The following DIP2B variants were observed in gnomAD, a reference collection of about 807,000 sequenced individuals.
DIP2B encodes the protein disco-interacting protein 2 homolog B.
DIP2B carries 76 observed loss-of-function variants against 198.0 expected under a neutral mutation model. That is an observed-to-expected ratio of 0.38 (90% CI 0.32 to 0.46). DIP2B has a LOEUF of 0.46. Among genes scored for constraint, DIP2B ranks in the 20% least tolerant of loss-of-function variants. The pLI is 0.99. For missense variants in DIP2B, 1,559 were observed against 1,978.4 expected (o/e 0.79, Z 4.02); for synonymous variants, 701 against 739.1 (o/e 0.95, Z 0.84).
intron 1 of DIP2B, among the ~76,000 whole-genome samples, chr12:50,536,783 G>T (rs183289620): frequency 6.6e-6 from 1 of 151,790 alleles, no homozygotes; most frequent in Admixed American, 6.6e-5. Flanking sequence ...TGACCAGGCT[G>T]GTCTCGAACT....
chr12:50,590,416 C>G (rs1958809160), intron 1 of DIP2B, among the ~76,000 whole-genome samples: 1 of 152,002 alleles, frequency 6.6e-6, no homozygotes, highest in Non-Finnish European at 1.5e-5. Context: ...GTTGCCCAGG[C>G]TGGAGTGCAG....
At chr12:50,626,691 G>A (rs974897867) in intron 2 of DIP2B, among the ~76,000 whole-genome samples, 5 of 151,790 alleles carry the variant, frequency 3.3e-5, no homozygotes, top group African/African-American at 1.2e-4. Flanking sequence ...TTTTACTATA[G>A]GGTGTTTTGT....
intron 1 of DIP2B, among the ~76,000 whole-genome samples, chr12:50,598,431 C>T: frequency 6.6e-6 from 1 of 151,988 alleles, no homozygotes. Flanking sequence ...TCCCTCAACC[C>T]CCTGATTCCA....
At chr12:50,559,215 A>G (rs547787116) in intron 1 of DIP2B, among the ~76,000 whole-genome samples, 10 of 152,012 alleles carry the variant, frequency 6.6e-5, no homozygotes, top group African/African-American at 2.2e-4. Context: ...GTACATCACT[A>G]AGGCCTTTGG....
At chr12:50,612,778 C>T (rs1666503626) in intron 1 of DIP2B, among the ~76,000 whole-genome samples, 1 of 152,128 alleles carries the variant, frequency 6.6e-6, no homozygotes, top group South Asian at 2.1e-4. Context: ...GATAATACTG[C>T]ACAATTATTT....
intron 1 of DIP2B, among the ~76,000 whole-genome samples, chr12:50,529,143 T>C (rs890634633): frequency 3.9e-5 from 6 of 152,128 alleles, no homozygotes; most frequent in Non-Finnish European, 8.8e-5. Context: ...TAGTCAGGTG[T>C]GGTGGCATGC....
rs1940350831 is a variant in DIP2B, at chr12:50,747,104, TTAA to T, written c.*2267_*2269del. On this transcript the variant is annotated 3_prime_UTR_variant, in exon 38 of 38. Transcript: ENST00000301180. ...CAACATAGGATCAATATAAAAATTATTAATGAGTTATTTTACTTTTTTTCATAT... is the reference window on the plus strand; with the variant it reads ...CAACATAGGATCAATATAAAAATTATTGAGTTATTTTACTTTTTTTCATAT... 1 of 152,234 alleles carries T rather than the reference TTAA, an allele frequency of 6.6e-6. No homozygotes were observed. Among genetic ancestry groups the T allele is most frequent in the African/African-American group, 2.4e-5 (1 of 41,468 alleles). 9.4% of individuals were successfully genotyped at this position (152,234 alleles called of 1,614,324 possible). A position where few individuals can be genotyped will look rare whatever the true frequency, so the allele number is the denominator to read the frequency against.
chr12:50,551,168 A>G (rs906837814), intron 1 of DIP2B, among the ~76,000 whole-genome samples: 1 of 152,114 alleles, frequency 6.6e-6, no homozygotes, highest in Non-Finnish European at 1.5e-5. Context: ...TCATGTCTGT[A>G]GTCCCAGCAC....
intron 7 of DIP2B, among the ~76,000 whole-genome samples, chr12:50,677,064 T>G (rs1938958746): frequency 6.6e-6 from 1 of 152,188 alleles, no homozygotes; most frequent in Non-Finnish European, 1.5e-5. Context: ...TCATATTTCA[T>G]TTGCCCATCT....
intron 36 of DIP2B, among the ~76,000 whole-genome samples, chr12:50,740,893 A>C (rs1940229643): frequency 6.6e-6 from 1 of 152,002 alleles, no homozygotes; most frequent in Non-Finnish European, 1.5e-5. Context: ...GTTTGTCCTT[A>C]AAAGCTCAGC....
intron 19 of DIP2B, among the ~76,000 whole-genome samples, chr12:50,699,765 A>G (rs1051952137): frequency 6.6e-6 from 1 of 152,000 alleles, no homozygotes; most frequent in Admixed American, 6.6e-5. Context: ...CGAAAGGCTG[A>G]GGCAGGAGGA....
intron 1 of DIP2B, among the ~76,000 whole-genome samples, chr12:50,551,860 T>A (rs959721955): frequency 6.6e-6 from 1 of 152,256 alleles, no homozygotes; most frequent in African/African-American, 2.4e-5. Context: ...ATTGGAATAG[T>A]ACTACTATAA....
At chr12:50,521,261 C>T (rs528023785) in intron 1 of DIP2B, among the ~76,000 whole-genome samples, 47 of 151,682 alleles carry the variant, frequency 3.1e-4, no homozygotes, top group Non-Finnish European at 4.9e-4. Flanking sequence ...CGCACACCCC[C>T]ACACCCTGCT....
chr12:50,520,788 G>C (rs1458030660), intron 1 of DIP2B, among the ~76,000 whole-genome samples: 3 of 152,174 alleles, frequency 2.0e-5, no homozygotes, highest in Admixed American at 6.5e-5. Context: ...TAGTGAAAAT[G>C]CTTTTCGGTT....
intron 1 of DIP2B, among the ~76,000 whole-genome samples, chr12:50,527,409 A>G (rs1175013487): frequency 1.3e-5 from 2 of 152,254 alleles, no homozygotes; most frequent in African/African-American, 2.4e-5. Flanking sequence ...AATTTTGCAC[A>G]TAGGAAAATA....
At chr12:50,641,218 A>C (rs2139487219) in intron 3 of DIP2B, among the ~76,000 whole-genome samples, 1 of 152,244 alleles carries the variant, frequency 6.6e-6, no homozygotes, top group East Asian at 1.9e-4. Context: ...TTAGCTGGGC[A>C]TGGTGGTGGG....
At chr12:50,657,641 A>T (rs1161266700) in intron 3 of DIP2B, among the ~76,000 whole-genome samples, 1 of 152,006 alleles carries the variant, frequency 6.6e-6, no homozygotes, top group Non-Finnish European at 1.5e-5. Flanking sequence ...AAAAAAAAAG[A>T]AGAAGACAAC....
intron 12 of DIP2B, among the ~76,000 whole-genome samples, chr12:50,690,242 A>G (rs1939200891): frequency 6.6e-6 from 1 of 151,910 alleles, no homozygotes; most frequent in Non-Finnish European, 1.5e-5. Context: ...GCCCGCCACT[A>G]CGCCCGGCTA....
At chr12:50,680,259 T>TA (rs11394582) in intron 8 of DIP2B, 69,645 of 106,186 alleles carry the variant, frequency 0.66, 23,247 homozygotes, top group Non-Finnish European at 0.7. Context: ...GACTCTGTCT[T>TA]AAAAAAAAAA....
Sources: gnomAD v4.1 joint callset for allele counts (sites outside exome capture counted in the v4.1 genomes callset) on GRCh38, gnomAD v4.1.1 for gene constraint, MANE v1.5 for transcripts, NCBI Gene and HGNC (gene_info 2026-07-23, HGNC 2026-07-21) for gene names.